The following CDC42BPA variants were observed in gnomAD, a reference collection of about 807,000 sequenced individuals.
CDC42BPA encodes serine/threonine-protein kinase MRCK alpha.
A neutral mutation model predicts 223.5 loss-of-function variants in CDC42BPA; 80 were observed. That is an observed-to-expected ratio of 0.36 (90% CI 0.30 to 0.43). The LOEUF is 0.43. CDC42BPA is among the 20% of genes least tolerant of loss of function. The pLI is 1.00. For synonymous variants in CDC42BPA, 694 were observed against 718.6 expected (o/e 0.97, Z 0.55); for missense variants, 1,743 against 2,099.9 (o/e 0.83, Z 3.32).
At chr1:227,263,451 A>G (rs3106474) in intron 1 of CDC42BPA, among the ~76,000 whole-genome samples, 46,793 of 152,052 alleles carry the variant, frequency 0.31, 7,384 homozygotes, top group East Asian at 0.37. Context: ...AATTTACAGC[A>G]TAGTGGTCAT....
At chr1:227,002,478 T>A (rs1054871757) in intron 35 of CDC42BPA, among the ~76,000 whole-genome samples, 7 of 152,238 alleles carry the variant, frequency 4.6e-5, no homozygotes, top group Admixed American at 3.3e-4. Context: ...CTTGAAAGCA[T>A]GCTCTATGTC....
At chr1:227,072,744 A>G (rs539769012) in intron 19 of CDC42BPA, among the ~76,000 whole-genome samples, 7 of 152,184 alleles carry the variant, frequency 4.6e-5, no homozygotes, top group African/African-American at 1.7e-4. Context: ...CACATACAGG[A>G]GTAAGTTTAT....
intron 2 of CDC42BPA, among the ~76,000 whole-genome samples, chr1:227,249,657 T>TA (rs1237407139): frequency 6.6e-6 from 1 of 152,110 alleles, no homozygotes; most frequent in African/African-American, 2.4e-5. Flanking sequence ...GACCTTTCTA[T>TA]AAAAAAGACA....
intron 23 of CDC42BPA, among the ~76,000 whole-genome samples, chr1:227,043,273 C>T (rs1395676372): frequency 1.3e-5 from 2 of 151,976 alleles, no homozygotes; most frequent in Non-Finnish European, 2.9e-5. Flanking sequence ...ATTAGCTGGG[C>T]ATGGTGGCAT....
intron 5 of CDC42BPA, among the ~76,000 whole-genome samples, chr1:227,192,541 C>T (rs1669892633): frequency 6.6e-6 from 1 of 152,178 alleles, no homozygotes; most frequent in Non-Finnish European, 1.5e-5. Flanking sequence ...CCTTTACGTA[C>T]TTCTCCTCAG....
chr1:227,133,141 T>G (rs1657645082), intron 10 of CDC42BPA, among the ~76,000 whole-genome samples: 1 of 146,506 alleles, frequency 6.8e-6, no homozygotes. Context: ...GAGGGGCACC[T>G]CTGCCCGGCC....
At position 226,994,272 on chromosome 1, in the gene CDC42BPA, G is replaced by T. The variant is rs1286539810; in HGVS notation, c.5261C>A (p.Pro1754Gln). ...LESTDRGSWDP is the reference protein window; with the variant it reads ...LESTDRGSWDQ Reference sequence around the variant, plus strand: ...AGGTCCCAGTGCTGAGGCAGCTCACGGGTCCCAGCTCCCGCGGTCAGTGCT... The same window carrying T: ...AGGTCCCAGTGCTGAGGCAGCTCACTGGTCCCAGCTCCCGCGGTCAGTGCT... Residue 1754 changes from proline (P) to glutamine (Q), a missense_variant, in exon 37 of 37, where the codon CCG becomes CAG. This residue lies in a region of CDC42BPA where 200 missense variants were observed against 192.8 expected (regional missense o/e 1.04). Transcript: ENST00000366766. The surrounding 1 kb of genome is among the most constrained non-coding windows in gnomAD (Gnocchi z 4.0). 6.3e-7 allele frequency: 1 copy of T among 1,578,426 alleles called. No individual in the cohort carries two copies. Among genetic ancestry groups the T allele is most frequent in the Non-Finnish European group, 8.6e-7 (1 of 1,160,002 alleles).
intron 11 of CDC42BPA, among the ~76,000 whole-genome samples, chr1:227,128,873 C>T (rs999014759): frequency 2.0e-5 from 3 of 152,022 alleles, no homozygotes; most frequent in African/African-American, 7.3e-5. Context: ...CTCCACGTAC[C>T]TCCATTTATT....
Position 227,200,442 on chromosome 1 carries a change from A to C in CDC42BPA, c.355-790T>G, listed in dbSNP as rs200908362. Among the ~76,000 whole-genome samples the C allele has an allele frequency of 2.0e-4, 17 of 85,426 alleles. 1 individual carries two copies. The highest frequency in any genetic ancestry group is 9.4e-4 in the East Asian group (3 of 3,182). The allele number at this position is 85,426 out of a possible 152,430, so 56.0% of individuals were successfully genotyped here. On this transcript the variant is annotated intron_variant, in intron 3 of 36. Coordinates refer to ENST00000366766, the MANE Select transcript of CDC42BPA (RefSeq NM_001394014.1). ...TGAGACCTTGCCTTAAAAAACAAAC[A>C]AACAAAAAAAAAACGAAAGAAAGAA...
intron 9 of CDC42BPA, 89 bp downstream of exon 9, chr1:227,142,856 G>A (rs1332850371): frequency 2.1e-5 from 16 of 757,578 alleles, no homozygotes; most frequent in East Asian, 3.5e-5. Flanking sequence ...CTGACCTCAT[G>A]ATACACCTGT....
intron 1 of CDC42BPA, among the ~76,000 whole-genome samples, chr1:227,296,291 C>G (rs906898531): frequency 7.2e-5 from 11 of 152,146 alleles, no homozygotes; most frequent in African/African-American, 2.7e-4. Context: ...TATGGCAAAT[C>G]TGGAACAATT....
chr1:227,291,182 C>T (rs56830706), intron 1 of CDC42BPA, among the ~76,000 whole-genome samples: 46,736 of 151,894 alleles, frequency 0.31, 7,371 homozygotes, highest in East Asian at 0.37. Context: ...AGCCTTCCTC[C>T]CTCCTCCCCA....
At chr1:227,297,781 G>A (rs1690897713) in intron 1 of CDC42BPA, among the ~76,000 whole-genome samples, 2 of 151,732 alleles carry the variant, frequency 1.3e-5, no homozygotes, top group Admixed American at 6.6e-5. Context: ...ACAAACTGGG[G>A]AAAGGAGAGA....
chr1:227,019,569 T>C (rs1204108122), intron 32 of CDC42BPA, among the ~76,000 whole-genome samples: 1 of 152,246 alleles, frequency 6.6e-6, no homozygotes, highest in Non-Finnish European at 1.5e-5. Context: ...GGAATAACTA[T>C]CTGTGGCAGC....
chr1:227,244,756 A>G (rs192608973), intron 2 of CDC42BPA, among the ~76,000 whole-genome samples: 72 of 152,348 alleles, frequency 4.7e-4, no homozygotes, highest in Non-Finnish European at 6.9e-4. Context: ...TTTTAACTTC[A>G]TATCTTGAAA....
chr1:227,120,060 G>A, intron 11 of CDC42BPA, 123 bp from the exon 12 acceptor site: 4 of 618,360 alleles, frequency 6.5e-6, no homozygotes, highest in Admixed American at 3.4e-5. Flanking sequence ...ATCTGACAGT[G>A]TATACCAGTA....
Position 227,028,893 on chromosome 1 carries a change from T to C in CDC42BPA, c.4196A>G (p.Gln1399Arg). The change falls in exon 30 of 37, where the codon CAG (glutamine) becomes CGG (arginine). Residue 1399 changes from glutamine (Q) to arginine (R), a missense_variant. Around this residue, in one of 6 missense-constraint regions of CDC42BPA, gnomAD observed 678 missense variants for 777.5 expected, o/e 0.87. Transcript: ENST00000366766. Reference sequence around the variant, plus strand: ...CAAGGGGTATCTTAGAAATCCTGACTGGAATCCCACACAGAGTTGTTCACT... The same window carrying C: ...CAAGGGGTATCTTAGAAATCCTGACCGGAATCCCACACAGAGTTGTTCACT... ...IFSEQLCVGF[Q>R]SGFLRYPLNG... 5.0e-6 allele frequency: 8 copies of C among 1,613,846 alleles called. No individual in the cohort carries two copies. Among genetic ancestry groups the C allele is most frequent in the Non-Finnish European group, 6.8e-6 (8 of 1,179,740 alleles).
chr1:227,300,148 T>C (rs1177228120), intron 1 of CDC42BPA, among the ~76,000 whole-genome samples: 1 of 152,168 alleles, frequency 6.6e-6, no homozygotes, highest in Non-Finnish European at 1.5e-5. Context: ...CCTCTCATTA[T>C]TAAAAAGTCA....
intron 1 of CDC42BPA, among the ~76,000 whole-genome samples, chr1:227,272,696 C>A (rs1330982882): frequency 2.0e-5 from 3 of 152,178 alleles, no homozygotes; most frequent in African/African-American, 4.8e-5. Context: ...GCTAGTATTA[C>A]AGATGTGAGC....
Sources: gnomAD v4.1 joint callset for allele counts (sites outside exome capture counted in the v4.1 genomes callset) on GRCh38, gnomAD v4.1.1 for gene constraint, gnomAD v4.1.1 regional missense constraint, Gnocchi (gnomAD v3.1) non-coding constraint, MANE v1.5 for transcripts, NCBI Gene and HGNC (gene_info 2026-07-23, HGNC 2026-07-21) for gene names.